The following CCDC18 variants were observed in gnomAD, a reference collection of about 807,000 sequenced individuals.
The protein encoded by CCDC18 is coiled-coil domain containing 18.
A neutral mutation model predicts 196.0 loss-of-function variants in CCDC18; 157 were observed. The ratio of observed to expected loss-of-function variants is 0.80; its 90% CI spans 0.70 to 0.91. The LOEUF (loss-of-function observed/expected upper bound fraction) is 0.91. Ranked by LOEUF, CCDC18 falls within the 40% of genes least tolerant of loss-of-function variation. CCDC18 has a pLI of 0.00. For synonymous variants in CCDC18, 482 were observed against 529.2 expected (o/e 0.91, Z 1.22); for missense variants, 1,465 against 1,611.6 (o/e 0.91, Z 1.56).
chr1:93,230,887 GC>G (rs978614479), intron 17 of CCDC18, among the ~76,000 whole-genome samples: 45 of 152,252 alleles, frequency 3.0e-4, no homozygotes, highest in African/African-American at 1.1e-3. Flanking sequence ...TTGGTCAGGA[GC>G]TAAGAGAGAA....
chr1:93,264,825 C>T lies in CCDC18; in HGVS notation c.3809C>T (p.Thr1270Ile). 6.2e-7 allele frequency: 1 copy of T among 1,613,474 alleles called. No homozygotes were observed. The highest frequency in any genetic ancestry group is 2.2e-5 in the East Asian group (1 of 44,780). ...AKLELEEAQD[T>I]VSNLHQQVQD... ...TTGGAATTAGAAGAAGCTCAGGATA[C>T]TGTAAGCAATTTGCATCAACAAGTC... Residue 1270 changes from threonine (T) to isoleucine (I), a missense_variant, in exon 27 of 29, where the codon ACT becomes ATT. Coordinates refer to ENST00000690025, the MANE Select transcript of CCDC18 (RefSeq NM_001378204.1).
At chr1:93,185,904 T>G (rs12118230) in intron 3 of CCDC18, among the ~76,000 whole-genome samples, 79,824 of 151,650 alleles carry the variant, frequency 0.53, 24,194 homozygotes, top group South Asian at 0.68. Context: ...ATAAAAATAT[T>G]TATACAGATG....
intron 27 of CCDC18, among the ~76,000 whole-genome samples, chr1:93,268,978 T>A (rs1664911663): frequency 6.6e-6 from 1 of 152,078 alleles, no homozygotes; most frequent in Non-Finnish European, 1.5e-5. Flanking sequence ...CATGCACATG[T>A]ATGTTTATTG....
intron 25 of CCDC18, among the ~76,000 whole-genome samples, chr1:93,257,376 A>T (rs1192351752): frequency 6.6e-6 from 1 of 151,954 alleles, no homozygotes; most frequent in Non-Finnish European, 1.5e-5. Context: ...AAGCAAAAAT[A>T]CTAATATAAA....
Position 93,205,536 on chromosome 1 carries a change from G to A in CCDC18, c.822G>A (p.Glu274=). The stretch of plus-strand genomic sequence containing the variant: ...TTCAAGCTGAAGAAGAAATATTAGA[G>A]AGAAATCTAACTAACTGTGAAAAAG... ...EKVQAEEEIL[E]RNLTNCEKEN... is the part of the protein sequence containing the mutation. The change falls in exon 8 of 29, where the codon GAG becomes GAA. Residue 274 remains glutamate, a synonymous_variant. Coordinates refer to ENST00000690025, the MANE Select transcript of CCDC18 (RefSeq NM_001378204.1). 6.3e-7 allele frequency: 1 copy of A among 1,590,478 alleles called. No homozygotes were observed. The highest frequency in any genetic ancestry group is 8.6e-7 in the Non-Finnish European group (1 of 1,164,302).
At chr1:93,264,251 T>G (rs992197193) in intron 26 of CCDC18, among the ~76,000 whole-genome samples, 2 of 152,120 alleles carry the variant, frequency 1.3e-5, no homozygotes, top group African/African-American at 2.4e-5. Flanking sequence ...ATACAGGAAT[T>G]ACAATTCAAG....
chr1:93,248,706 T>C (rs1661821033), intron 23 of CCDC18, among the ~76,000 whole-genome samples: 1 of 152,096 alleles, frequency 6.6e-6, no homozygotes, highest in Non-Finnish European at 1.5e-5. Context: ...CCAGGCACGG[T>C]GGTGCGTGCC....
At chr1:93,203,764 G>A (rs1654238504) in intron 7 of CCDC18, among the ~76,000 whole-genome samples, 1 of 152,086 alleles carries the variant, frequency 6.6e-6, no homozygotes, top group African/African-American at 2.4e-5. Flanking sequence ...TCAGGAGTTA[G>A]AGGCTGCATT....
chr1:93,275,070 A>C (rs572047021), intron 28 of CCDC18, among the ~76,000 whole-genome samples: 1 of 152,272 alleles, frequency 6.6e-6, no homozygotes, highest in East Asian at 1.9e-4. Context: ...TGTATGTTGC[A>C]TTAATAAATA....
At chr1:93,243,624 C>T (rs1292277141) in intron 21 of CCDC18, among the ~76,000 whole-genome samples, 1 of 152,122 alleles carries the variant, frequency 6.6e-6, no homozygotes, top group Non-Finnish European at 1.5e-5. Flanking sequence ...CTATCACACT[C>T]AAGTCACCTC....
chr1:93,274,526 T>C (rs1184054493), intron 28 of CCDC18, among the ~76,000 whole-genome samples: 6 of 152,096 alleles, frequency 3.9e-5, no homozygotes, highest in Admixed American at 2.0e-4. Flanking sequence ...TCAATTATCA[T>C]TGAAGATCAA....
chr1:93,233,357 C>A (rs1659535345), intron 18 of CCDC18, among the ~76,000 whole-genome samples: 1 of 152,136 alleles, frequency 6.6e-6, no homozygotes, highest in Non-Finnish European at 1.5e-5. Context: ...TCCTTTAATT[C>A]ATTACTGAAT....
chr1:93,251,438 G>A (rs893416781), intron 23 of CCDC18, among the ~76,000 whole-genome samples: 7 of 152,142 alleles, frequency 4.6e-5, no homozygotes, highest in Admixed American at 2.6e-4. Context: ...TAAGTTTGAA[G>A]TATTCCCTTT....
At chr1:93,251,310 ATTG>A (rs1662221678) in intron 23 of CCDC18, among the ~76,000 whole-genome samples, 1 of 152,280 alleles carries the variant, frequency 6.6e-6, no homozygotes, top group South Asian at 2.1e-4. Context: ...CTCTGAATAA[ATTG>A]TTGTAATTAT....
intron 19 of CCDC18, among the ~76,000 whole-genome samples, chr1:93,237,748 T>C (rs2100804646): frequency 6.6e-6 from 1 of 152,224 alleles, no homozygotes; most frequent in South Asian, 2.1e-4. Flanking sequence ...ATCACTTCTG[T>C]CATTCTTCTT....
chr1:93,265,887 A>G (rs1255619921), intron 27 of CCDC18, among the ~76,000 whole-genome samples: 3 of 150,188 alleles, frequency 2.0e-5, no homozygotes, highest in Non-Finnish European at 3.0e-5. Context: ...CAGATCAACG[A>G]GACAGAAAAT....
At chr1:93,257,842 T>C (rs1663218164) in intron 25 of CCDC18, among the ~76,000 whole-genome samples, 2 of 152,082 alleles carry the variant, frequency 1.3e-5, no homozygotes. Context: ...TTTTAAATAC[T>C]TATTTTAACC....
At position 93,186,397 on chromosome 1, in the gene CCDC18, A is replaced by C. The variant is rs771766725; in HGVS notation, c.356A>C (p.Lys119Thr). The change falls in exon 4 of 29, where the codon AAA (lysine) becomes ACA (threonine). Residue 119 changes from lysine (K) to threonine (T), a missense_variant. Coordinates refer to ENST00000690025, the MANE Select transcript of CCDC18 (RefSeq NM_001378204.1). ...VDQEIKSLRE[K>T]LNKLRQQNAC... Reference sequence around the variant, plus strand: ...CAGGAGATTAAAAGCCTTCGAGAGAAACTAAATAAACTTAGGCAACAGAAT... The same window carrying C: ...CAGGAGATTAAAAGCCTTCGAGAGACACTAAATAAACTTAGGCAACAGAAT... 170 of 1,612,286 alleles carry C rather than the reference A, an allele frequency of 1.1e-4. 1 individual carries two copies. Among genetic ancestry groups the C allele is most frequent in the Middle Eastern group, 3.3e-4 (2 of 6,070 alleles).
intron 26 of CCDC18, among the ~76,000 whole-genome samples, chr1:93,262,876 C>T (rs1234692976): frequency 6.6e-6 from 1 of 152,088 alleles, no homozygotes; most frequent in Non-Finnish European, 1.5e-5. Flanking sequence ...TCTGCTTGGA[C>T]TTCCAGGCAT....
Sources: allele counts gnomAD v4.1 joint callset (sites outside exome capture counted in the v4.1 genomes callset), GRCh38; gene constraint gnomAD v4.1.1; transcripts MANE v1.5; gene names NCBI Gene and HGNC (gene_info 2026-07-23, HGNC 2026-07-21).